ASIP: variants seen among roughly 807,000 people sequenced by gnomAD.
ASIP encodes agouti signaling protein.
ASIP carries 11 observed loss-of-function variants against 10.3 expected under a neutral mutation model. The ratio of observed to expected loss-of-function variants is 1.07; its 90% CI spans 0.68 to 1.78. The LOEUF is 1.78. Among genes scored for constraint, ASIP ranks in the 40% most tolerant of loss-of-function variants. ASIP has a pLI of 0.00. For synonymous variants in ASIP, 70 were observed against 70.8 expected, an observed-to-expected ratio of 0.99 and a Z score of 0.06; for missense variants, 180 against 169.2, an observed-to-expected ratio of 1.06 and a Z score of -0.35.
chr20:34,211,438 G>A (rs941907768), intron 1 of ASIP, among the ~76,000 whole-genome samples: 5 of 152,144 alleles, frequency 3.3e-5, no homozygotes, highest in Non-Finnish European at 1.5e-5. Context: ...CAGTGCTGTT[G>A]TTTTATACAA....
chr20:34,251,191 A>G (rs1416237489), intron 1 of ASIP, among the ~76,000 whole-genome samples: 1 of 152,142 alleles, frequency 6.6e-6, no homozygotes, highest in African/African-American at 2.4e-5. Context: ...ACTTAGTCAG[A>G]TTCAGTCACA....
chr20:34,214,860 T>A (rs2034997200), intron 1 of ASIP: 19 of 1,602,814 alleles, frequency 1.2e-5, no homozygotes, highest in Non-Finnish European at 1.6e-5. Flanking sequence ...CATGAATTAG[T>A]AGCTGCAACA....
In ASIP at chr20:34,262,691, C is replaced by T. The variant is rs1369937459; in HGVS notation, c.161-141C>T. ...CTAACAAGAACCTACTGGCTTGAGT[C>T]CTACAGTGTGACTCATCCAGCACGC... is the stretch of plus-strand genomic sequence containing the variant. On this transcript the variant is annotated intron_variant, in intron 2 of 3. Coordinates refer to ENST00000374954, the MANE Select transcript of ASIP (RefSeq NM_001672.3). The T allele has an allele frequency of 3.5e-6, 3 of 857,218 alleles. No individual in the cohort carries two copies. The African/African-American group carries it at 5.0e-5, about 14-fold the overall frequency. The allele number at this position is 857,218 out of a possible 1,614,324, so 53.1% of individuals were successfully genotyped here.
chr20:34,232,138 T>C (rs1292104330), intron 1 of ASIP, among the ~76,000 whole-genome samples: 1 of 152,242 alleles, frequency 6.6e-6, no homozygotes, highest in Non-Finnish European at 1.5e-5. Context: ...AGCACTGAGT[T>C]TGGGGAACCC....
chr20:34,189,956 A>G (rs2034815398), upstream of ASIP, among the ~76,000 whole-genome samples: 1 of 152,208 alleles, frequency 6.6e-6, no homozygotes, highest in East Asian at 1.9e-4. Flanking sequence ...GGACATGCAG[A>G]GGCAGGCAGG....
chr20:34,226,217 C>T (rs536440866), intron 1 of ASIP, among the ~76,000 whole-genome samples: 6 of 152,112 alleles, frequency 3.9e-5, no homozygotes, highest in African/African-American at 9.7e-5. Context: ...TACTTTAGAA[C>T]GTGTGTCTCT....
At chr20:34,235,832 A>G (rs147761115) in intron 1 of ASIP, among the ~76,000 whole-genome samples, 1,196 of 67,196 alleles carry the variant, frequency 0.018, 111 homozygotes, top group African/African-American at 0.14. Context: ...AAAGAAAGAA[A>G]GAAAGAAAGA....
In ASIP at chr20:34,258,685, A is replaced by ATATATATATATATATG. The variant is rs1336922136; in HGVS notation, c.-10-1674_-10-1673insTATATATATGTATATA. 2.3e-4 allele frequency among the ~76,000 whole-genome samples: 17 copies of ATATATATATATATATG among 74,470 alleles called. 2 individuals are homozygous for ATATATATATATATATG. Among genetic ancestry groups the ATATATATATATATATG allele is most frequent in the African/African-American group, 1.5e-3 (17 of 11,586 alleles). The allele number at this position is 74,470 out of a possible 152,430, so 48.9% of individuals were successfully genotyped here. The stretch of plus-strand genomic sequence containing the variant: ...TAGAAGGGGGATGCCATATATATAT[A>ATATATATATATATATG]TATATACATACTATATATATATATT... On this transcript the variant is annotated intron_variant, in intron 1 of 3. Coordinates refer to ENST00000374954, the MANE Select transcript of ASIP (RefSeq NM_001672.3).
intron 1 of ASIP, 21 bp downstream of exon 1, chr20:34,241,510 T>C: frequency 4.1e-6 from 4 of 985,472 alleles, no homozygotes; most frequent in Non-Finnish European, 4.8e-6. Flanking sequence ...ATGGCAACTT[T>C]AATCTGCTTT....
chr20:34,258,112 C>A (rs1191850329), intron 1 of ASIP, among the ~76,000 whole-genome samples: 2 of 151,672 alleles, frequency 1.3e-5, no homozygotes, highest in African/African-American at 4.8e-5. Context: ...CCACTGCACT[C>A]CATCCTGGGC....
At chr20:34,249,482 G>A (rs1170244113) in intron 1 of ASIP, among the ~76,000 whole-genome samples, 1 of 152,148 alleles carries the variant, frequency 6.6e-6, no homozygotes, top group African/African-American at 2.4e-5. Context: ...TAACCACTGT[G>A]TCATATGATC....
intron 1 of ASIP, among the ~76,000 whole-genome samples, chr20:34,250,517 GC>G (rs1159796803): frequency 6.6e-6 from 1 of 152,088 alleles, no homozygotes; most frequent in Non-Finnish European, 1.5e-5. Flanking sequence ...AATTAAAAAG[GC>G]CGAGCACGGT....
At chr20:34,215,853 C>T in intron 1 of ASIP, 1 of 1,302,820 alleles carries the variant, frequency 7.7e-7, no homozygotes, top group South Asian at 1.2e-5. Context: ...AAGTCTGAAT[C>T]AGCATTTGGA....
intron 1 of ASIP, among the ~76,000 whole-genome samples, chr20:34,258,696 C>A (rs55874633): frequency 0.011 from 128 of 11,326 alleles, no homozygotes; most frequent in Middle Eastern, 0.1. Context: ...TATATACATA[C>A]TATATATATA....
chr20:34,199,300 CT>C (rs909670337), intron 1 of ASIP, among the ~76,000 whole-genome samples: 52 of 146,680 alleles, frequency 3.5e-4, no homozygotes, highest in South Asian at 4.3e-4. Context: ...TCTGTGAATA[CT>C]TTTTTTTTTT....
chr20:34,215,370 G>T, intron 1 of ASIP: 1 of 1,572,814 alleles, frequency 6.4e-7, no homozygotes, highest in Non-Finnish European at 8.7e-7. Context: ...GTTCCCTCAT[G>T]GTATCTTTTA....
In ASIP at chr20:34,235,878, G is replaced by GA. The variant is rs1568756290; in HGVS notation, c.-10-24485dup. Among the ~76,000 whole-genome samples, 64 of 93,248 alleles carry GA rather than the reference G, an allele frequency of 6.9e-4. 1 individual carries two copies. Among genetic ancestry groups the GA allele is most frequent in the African/African-American group, 2.3e-3 (40 of 17,138 alleles). The allele number at this position is 93,248 out of a possible 152,430, so 61.2% of individuals were successfully genotyped here. On this transcript the variant is annotated intron_variant, in intron 1 of 3. Coordinates refer to the ASIP transcript ENST00000568305. ...GAAGGAAGGAAGGAAAGGAAGGAAG[G>GA]AAGGAAGGAAGGAAGGAAGGAAAGG...
At chr20:34,235,658 C>T (rs1357567426) in intron 1 of ASIP, among the ~76,000 whole-genome samples, 3 of 151,412 alleles carry the variant, frequency 2.0e-5, no homozygotes, top group Non-Finnish European at 4.4e-5. Context: ...GTAGCGCATG[C>T]CTGTGGCCCC....
upstream of ASIP, among the ~76,000 whole-genome samples, chr20:34,190,883 C>T (rs1195571290): frequency 2.0e-5 from 3 of 152,202 alleles, no homozygotes; most frequent in African/African-American, 7.2e-5. Context: ...CCTTTCCTCT[C>T]TTTTTCAGGG....
Sources: gnomAD v4.1 joint callset for allele counts (sites outside exome capture counted in the v4.1 genomes callset) on GRCh38, gnomAD v4.1.1 for gene constraint, MANE v1.5 for transcripts, NCBI Gene and HGNC (gene_info 2026-07-23, HGNC 2026-07-21) for gene names.